Variants in ST6GAL1 observed in about 807,000 individuals in gnomAD.
ST6GAL1 encodes the protein ST6 beta-galactoside alpha-2,6-sialyltransferase 1, also known as beta-galactoside alpha-2,6-sialyltransferase 1.
ST6GAL1 carries 20 observed loss-of-function variants against 38.0 expected under a neutral mutation model. The observed-to-expected ratio is 0.53, with a 90% CI of 0.37 to 0.77. ST6GAL1 has a LOEUF of 0.77. Ranked by LOEUF, ST6GAL1 falls within the 30% of genes least tolerant of loss-of-function variation. The probability of loss-of-function intolerance (pLI) is 0.00; values close to 1 mark genes in which losing one functional copy is unlikely to be tolerated. For missense variants in ST6GAL1, 432 were observed against 496.4 expected (o/e 0.87, Z 1.23); for synonymous variants, 196 against 188.2 (o/e 1.04, Z -0.34).
At chr3:187,027,014 A>C (rs1717562558) in intron 2 of ST6GAL1, among the ~76,000 whole-genome samples, 1 of 152,050 alleles carries the variant, frequency 6.6e-6, no homozygotes, top group South Asian at 2.1e-4. Context: ...TCACCACTGC[A>C]CTCCAGCCTG....
chr3:187,003,813 C>T (rs1201501058), intron 2 of ST6GAL1, among the ~76,000 whole-genome samples: 2 of 152,210 alleles, frequency 1.3e-5, no homozygotes, highest in African/African-American at 2.4e-5. Flanking sequence ...TTCCTTACAT[C>T]CCTATGCTAC....
chr3:187,041,442 A>C (rs1168767309), intron 3 of ST6GAL1, among the ~76,000 whole-genome samples: 3 of 152,258 alleles, frequency 2.0e-5, no homozygotes, highest in African/African-American at 7.2e-5. Flanking sequence ...AATGTTTTCC[A>C]AAAGATACAG....
chr3:187,010,146 A>G (rs1223210969), intron 2 of ST6GAL1, among the ~76,000 whole-genome samples: 1 of 152,218 alleles, frequency 6.6e-6, no homozygotes, highest in Non-Finnish European at 1.5e-5. Flanking sequence ...ATAAAACTGC[A>G]GTCTTTGCTT....
chr3:187,068,100 TG>T (rs1719232013), intron 5 of ST6GAL1, among the ~76,000 whole-genome samples: 1 of 151,956 alleles, frequency 6.6e-6, no homozygotes, highest in Non-Finnish European at 1.5e-5. Context: ...CCCAACACTT[TG>T]GGAGGCCGAG....
intron 2 of ST6GAL1, among the ~76,000 whole-genome samples, chr3:186,975,507 C>T (rs544429209): frequency 9.9e-5 from 15 of 152,240 alleles, no homozygotes; most frequent in African/African-American, 3.6e-4. Context: ...TCTTCTCTGT[C>T]CCTGAGGTTC....
At chr3:186,959,696 G>A (rs117116624) in intron 1 of ST6GAL1, among the ~76,000 whole-genome samples, 44 of 152,292 alleles carry the variant, frequency 2.9e-4, no homozygotes, top group East Asian at 9.6e-4. Context: ...CTTAGCAGAC[G>A]TTCTTACTGT....
chr3:187,075,579 A>C lies in ST6GAL1; in HGVS notation c.997A>C (p.Thr333Pro). Residue 333 changes from threonine (T) to proline (P), a missense_variant, in exon 8 of 8, where the codon ACG becomes CCG. By Grantham distance (38) the Thr-to-Pro change is conservative. Transcript: ENST00000169298. The surrounding 1 kb of genome is among the most constrained non-coding windows in gnomAD (Gnocchi z 4.1). Reference sequence around the variant, plus strand: ...CTCTCCAGGTATCATCATCATGATGACGCTGTGTGACCAGGTGGATATTTA... The same window carrying C: ...CTCTCCAGGTATCATCATCATGATGCCGCTGTGTGACCAGGTGGATATTTA... The part of the protein sequence containing the change: ...SGMLGIIIMM[T>P]LCDQVDIYEF... 6.2e-7 allele frequency: 1 copy of C among 1,614,160 alleles called. No homozygotes were observed. The highest frequency in any genetic ancestry group is 8.5e-7 in the Non-Finnish European group (1 of 1,180,014).
At chr3:187,005,336 C>T (rs1192624809) in intron 2 of ST6GAL1, among the ~76,000 whole-genome samples, 8 of 145,430 alleles carry the variant, frequency 5.5e-5, no homozygotes, top group African/African-American at 1.5e-4. Context: ...AGTGCAGTGG[C>T]GCGATCTCGG....
intron 2 of ST6GAL1, among the ~76,000 whole-genome samples, chr3:186,967,537 C>G: frequency 6.6e-6 from 1 of 152,108 alleles, no homozygotes; most frequent in Admixed American, 6.6e-5. Context: ...GGGGAACAAA[C>G]CAGCAGATGG....
intron 5 of ST6GAL1, among the ~76,000 whole-genome samples, chr3:187,068,012 C>T (rs1053175242): frequency 6.6e-6 from 1 of 152,138 alleles, no homozygotes; most frequent in African/African-American, 2.4e-5. Flanking sequence ...CCTACCCTGC[C>T]CACATTATGT....
chr3:186,935,608 C>G (rs2108512553), intron 1 of ST6GAL1, among the ~76,000 whole-genome samples: 1 of 152,336 alleles, frequency 6.6e-6, no homozygotes, highest in East Asian at 1.9e-4. Flanking sequence ...AACTAATTTA[C>G]ACTCCCACCA....
Position 187,074,228 on chromosome 3 carries a change from C to T in ST6GAL1, c.874C>T (p.Pro292Ser), listed in dbSNP as rs747048020. Residue 292 changes from proline to serine, a missense_variant, in exon 7 of 8, where the codon CCC becomes TCC. Physicochemically the swap from Pro to Ser is moderately conservative, Grantham distance 74. Coordinates refer to ENST00000169298, the MANE Select transcript of ST6GAL1 (RefSeq NM_173216.2). ...TTATCGTAAGCTGCACCCCAATCAG[C>T]CCTTTTACATCCTCAAGCCCCAGAT... ...KTYRKLHPNQ[P>S]FYILKPQMPW... 13 of 1,612,984 alleles carry T rather than the reference C, an allele frequency of 8.1e-6. No individual in the cohort carries two copies. Among genetic ancestry groups the T allele is most frequent in the Non-Finnish European group, 1.1e-5 (13 of 1,179,622 alleles).
In ST6GAL1 at chr3:186,946,301, CCATTTCAAAAAAAAAAAGTGTTCCT is replaced by C. The variant is rs1320346395; in HGVS notation, c.-325+15468_-325+15492del. 1.7e-4 allele frequency among the ~76,000 whole-genome samples: 25 copies of C among 150,640 alleles called. No homozygotes were observed. In the East Asian group the frequency reaches 4.7e-3, roughly 28 times the overall value. On this transcript the variant is annotated intron_variant, in intron 1 of 7. Transcript: ENST00000169298. ...CTAGCCTGGGCGACAGAGTGAGATTCCATTTCAAAAAAAAAAAGTGTTCCTTTTCCTTATAAAATAAAATAATAAA... is the reference window on the plus strand; with the variant it reads ...CTAGCCTGGGCGACAGAGTGAGATTCTTTCCTTATAAAATAAAATAATAAA...
chr3:186,974,084 C>T (rs1016691220), intron 2 of ST6GAL1, among the ~76,000 whole-genome samples: 1 of 152,176 alleles, frequency 6.6e-6, no homozygotes, highest in Non-Finnish European at 1.5e-5. Flanking sequence ...ATAGATACTT[C>T]CTCGGGAAAG....
intron 4 of ST6GAL1, among the ~76,000 whole-genome samples, chr3:187,047,310 G>C (rs1718335515): frequency 6.6e-6 from 1 of 151,610 alleles, no homozygotes; most frequent in African/African-American, 2.4e-5. Flanking sequence ...ACCGGACTCA[G>C]AATGTAATTT....
chr3:186,944,463 C>T (rs1714286736), intron 1 of ST6GAL1, among the ~76,000 whole-genome samples: 1 of 152,106 alleles, frequency 6.6e-6, no homozygotes, highest in Non-Finnish European at 1.5e-5. Context: ...AGTTGGCTCT[C>T]GGGTAGGAGA....
chr3:186,940,999 G>A (rs963832426), intron 1 of ST6GAL1, among the ~76,000 whole-genome samples: 1 of 152,174 alleles, frequency 6.6e-6, no homozygotes, highest in Non-Finnish European at 1.5e-5. Flanking sequence ...AGTGGGCACA[G>A]AAACACTGGG....
At chr3:187,066,718 C>T (rs567705394) in intron 5 of ST6GAL1, among the ~76,000 whole-genome samples, 119 of 152,144 alleles carry the variant, frequency 7.8e-4, no homozygotes, top group African/African-American at 2.7e-3. Context: ...TCTTGAGCAG[C>T]AGCACTCCAT....
chr3:186,999,066 T>A (rs949766968), intron 2 of ST6GAL1, among the ~76,000 whole-genome samples: 4 of 152,232 alleles, frequency 2.6e-5, no homozygotes, highest in Non-Finnish European at 5.9e-5. Context: ...CCGGGGGCAA[T>A]GCAGGGGTAT....
Sources: allele counts gnomAD v4.1 joint callset (sites outside exome capture counted in the v4.1 genomes callset), GRCh38; gene constraint gnomAD v4.1.1; non-coding constraint Gnocchi (gnomAD v3.1); transcripts MANE v1.5; gene names NCBI Gene and HGNC (gene_info 2026-07-23, HGNC 2026-07-21).